PGAP4: variants seen among roughly 807,000 people sequenced by gnomAD.
PGAP4 encodes the protein post-GPI attachment to proteins GalNAc transferase 4.
PGAP4 carries 12 observed loss-of-function variants against 28.2 expected under a neutral mutation model. That is an observed-to-expected ratio of 0.42 (90% CI 0.27 to 0.69). PGAP4 has a LOEUF of 0.69. Ranked by LOEUF, PGAP4 falls within the 30% of genes least tolerant of loss-of-function variation. PGAP4 has a pLI of 0.22. For missense variants in PGAP4, 425 were observed against 513.5 expected, an observed-to-expected ratio of 0.83 and a Z score of 1.67; for synonymous variants, 205 against 211.8, an observed-to-expected ratio of 0.97 and a Z score of 0.28.
intron 2 of PGAP4, among the ~76,000 whole-genome samples, chr9:101,516,300 T>A (rs1013334349): frequency 3.3e-5 from 5 of 152,204 alleles, no homozygotes; most frequent in African/African-American, 1.2e-4. Context: ...CCATCTGCCT[T>A]AACTATTTCT....
At chr9:101,502,249 C>T (rs977503759) in intron 2 of PGAP4, among the ~76,000 whole-genome samples, 10 of 152,096 alleles carry the variant, frequency 6.6e-5, no homozygotes, top group South Asian at 2.1e-4. Context: ...AAGGGAAGTG[C>T]GATCTGAAGT....
In PGAP4 at chr9:101,476,552, T is replaced by A. The variant is rs753974389; in HGVS notation, c.541A>T (p.Thr181Ser). Residue 181 changes from threonine to serine, a missense_variant, in exon 2 of 2, where the codon ACC (threonine) becomes TCC (serine). Physicochemically the swap from Thr to Ser is moderately conservative, Grantham distance 58. Transcript: ENST00000374848. The surrounding 1 kb of genome is among the most constrained non-coding windows in gnomAD (Gnocchi z 7.0). ...TEDDYGDDPS[T>S]NSFEKEKQDY... is the part of the protein sequence containing the mutation. ...TGCTTCTCTTTCTCAAACGAGTTGG[T>A]CGAAGGGTCATCACCATAATCATCC... 2 of 1,614,152 alleles carry A rather than the reference T, an allele frequency of 1.2e-6. No individual in the cohort carries two copies. Among genetic ancestry groups the A allele is most frequent in the South Asian group, 2.2e-5 (2 of 91,088 alleles).
chr9:101,511,973 G>C (rs1826902120), intron 2 of PGAP4, among the ~76,000 whole-genome samples: 1 of 152,208 alleles, frequency 6.6e-6, no homozygotes, highest in South Asian at 2.1e-4. Flanking sequence ...CAGCCAGAAT[G>C]ACAAAAACTC....
chr9:101,494,823 T>C (rs1327320279), intron 2 of PGAP4, among the ~76,000 whole-genome samples: 1 of 151,580 alleles, frequency 6.6e-6, no homozygotes, highest in East Asian at 1.9e-4. Context: ...ATTTTTACTG[T>C]ATGTAGCATT....
chr9:101,528,548 T>G (rs1827056106), intron 2 of PGAP4, among the ~76,000 whole-genome samples: 1 of 152,170 alleles, frequency 6.6e-6, no homozygotes, highest in South Asian at 2.1e-4. Flanking sequence ...ATGCAAGCAT[T>G]TCAGTGATGC....
chr9:101,499,862 A>T (rs983477131), intron 2 of PGAP4, among the ~76,000 whole-genome samples: 11 of 152,178 alleles, frequency 7.2e-5, no homozygotes, highest in African/African-American at 2.6e-4. Flanking sequence ...TGCAGACGCA[A>T]TGTTCCTTTA....
chr9:101,504,557 G>A (rs960184551), intron 2 of PGAP4, among the ~76,000 whole-genome samples: 9 of 151,814 alleles, frequency 5.9e-5, no homozygotes, highest in Admixed American at 5.9e-4. Context: ...GTTTCTCTCA[G>A]GTCCAAGCTC....
chr9:101,489,039 T>C (rs960610087), upstream of PGAP4: 1 of 152,188 alleles, frequency 6.6e-6, no homozygotes, highest in Admixed American at 6.5e-5. Context: ...CTATGGCTGT[T>C]ACTGTCCTGA....
intron 2 of PGAP4, among the ~76,000 whole-genome samples, chr9:101,515,963 T>C (rs550326843): frequency 6.5e-4 from 99 of 151,972 alleles, no homozygotes; most frequent in Non-Finnish European, 6.9e-4. Flanking sequence ...AAAAAATGGG[T>C]GAGGTGATGA....
chr9:101,499,362 C>T (rs796820292), intron 2 of PGAP4, among the ~76,000 whole-genome samples: 7 of 151,920 alleles, frequency 4.6e-5, no homozygotes, highest in African/African-American at 1.7e-4. Flanking sequence ...TCACATCCCA[C>T]TTCTGATATC....
chr9:101,514,899 A>G (rs913724286), intron 2 of PGAP4, among the ~76,000 whole-genome samples: 14 of 152,194 alleles, frequency 9.2e-5, no homozygotes, highest in Admixed American at 3.3e-4. Flanking sequence ...GAACTCCTCA[A>G]AAGAACCAGG....
At chr9:101,480,526 A>G (rs10819943) in intron 1 of PGAP4, 70,633 of 151,950 alleles carry the variant, frequency 0.46, 16,717 homozygotes, top group East Asian at 0.72. Flanking sequence ...AATAACTCAA[A>G]TTCAACAGAG....
intron 2 of PGAP4, chr9:101,501,707 AGAT>A (rs1826802195): frequency 1.9e-6 from 1 of 519,104 alleles, no homozygotes; most frequent in Admixed American, 1.9e-5. Flanking sequence ...GAACTTGTAT[AGAT>A]CATTGGGACC....
upstream of PGAP4, among the ~76,000 whole-genome samples, chr9:101,488,891 G>T (rs1373657544): frequency 4.0e-4 from 61 of 152,116 alleles, 1 homozygote; most frequent in Admixed American, 4.0e-3. Context: ...TAAGGATTCA[G>T]CTATGAACAA....
At chr9:101,497,564 T>C (rs886453009) in intron 2 of PGAP4, among the ~76,000 whole-genome samples, 2 of 151,634 alleles carry the variant, frequency 1.3e-5, no homozygotes, top group African/African-American at 4.8e-5. Flanking sequence ...TATAAACATA[T>C]ATGTGTGTGT....
At chr9:101,504,564 G>A (rs1826833590) in intron 2 of PGAP4, among the ~76,000 whole-genome samples, 2 of 151,834 alleles carry the variant, frequency 1.3e-5, no homozygotes, top group Non-Finnish European at 2.9e-5. Context: ...TCAGGTCCAA[G>A]CTCTGCTGTC....
chr9:101,499,302 A>G (rs1163638705), intron 2 of PGAP4, among the ~76,000 whole-genome samples: 3 of 152,014 alleles, frequency 2.0e-5, no homozygotes, highest in Admixed American at 2.0e-4. Context: ...TCAAGTGAGT[A>G]CTGCACACTG....
intron 2 of PGAP4, among the ~76,000 whole-genome samples, chr9:101,492,943 A>G (rs1161373705): frequency 6.6e-6 from 1 of 152,036 alleles, no homozygotes; most frequent in Non-Finnish European, 1.5e-5. Context: ...TGAGCTGTCC[A>G]CATTTAGTTT....
intron 2 of PGAP4, among the ~76,000 whole-genome samples, chr9:101,503,401 C>T (rs1454105376): frequency 6.6e-6 from 1 of 151,698 alleles, no homozygotes; most frequent in African/African-American, 2.4e-5. Flanking sequence ...ATTAAACAAT[C>T]CAATATGGAT....
Sources: allele counts gnomAD v4.1 joint callset (sites outside exome capture counted in the v4.1 genomes callset), GRCh38; gene constraint gnomAD v4.1.1; non-coding constraint Gnocchi (gnomAD v3.1); transcripts MANE v1.5; gene names NCBI Gene and HGNC (gene_info 2026-07-23, HGNC 2026-07-21).